SAMMSON: variants seen among roughly 807,000 people sequenced by gnomAD.
SAMMSON encodes survival associated mitochondrial melanoma specific oncogenic non-coding RNA.
chr3:70,364,407 C>T (rs1223931019), intron 9 of SAMMSON, among the ~76,000 whole-genome samples: 3 of 151,930 alleles, frequency 2.0e-5, no homozygotes, highest in Non-Finnish European at 4.4e-5. Flanking sequence ...GTAGATGCTG[C>T]TCAACAAAGC....
At chr3:70,119,044 G>A (rs2067422512) in intron 4 of SAMMSON, among the ~76,000 whole-genome samples, 1 of 152,024 alleles carries the variant, frequency 6.6e-6, no homozygotes, top group Non-Finnish European at 1.5e-5. Flanking sequence ...TTGGGGTTTT[G>A]TAAGAAAACT....
chr3:70,062,846 C>CGT (rs1182867086), intron 3 of SAMMSON, among the ~76,000 whole-genome samples: 1 of 152,096 alleles, frequency 6.6e-6, no homozygotes, highest in Non-Finnish European at 1.5e-5. Context: ...TACCTGCAGC[C>CGT]GTGAGCTCAG....
intron 7 of SAMMSON, among the ~76,000 whole-genome samples, chr3:70,323,087 C>T (rs1702549743): frequency 6.6e-6 from 1 of 152,022 alleles, no homozygotes; most frequent in African/African-American, 2.4e-5. Flanking sequence ...TTGAAAATGG[C>T]ATCTCTTTAC....
At chr3:70,364,782 T>A (rs1187085558) in intron 9 of SAMMSON, among the ~76,000 whole-genome samples, 1 of 151,840 alleles carries the variant, frequency 6.6e-6, no homozygotes, top group Non-Finnish European at 1.5e-5. Flanking sequence ...CTACACCTTT[T>A]ATGTTTTTAA....
chr3:70,074,137 A>C (rs2067240039), intron 4 of SAMMSON, among the ~76,000 whole-genome samples: 1 of 152,080 alleles, frequency 6.6e-6, no homozygotes, highest in East Asian at 1.9e-4. Context: ...TTCTCCAAAA[A>C]CAATGACTAG....
rs74568926 is a variant in SAMMSON, at chr3:70,103,557, T to C, written n.507+31992T>C. On this transcript the variant is annotated intron_variant and non_coding_transcript_variant, in intron 4 of 9. Coordinates refer to ENST00000642114, the Ensembl canonical transcript of SAMMSON. ...TCAAAAAGTCTGTCACCCTAAAAGA[T>C]TGTGAATCTCTTCGGTTACATCCTT... 4.9e-3 allele frequency among the ~76,000 whole-genome samples: 753 copies of C among 152,300 alleles called. 9 individuals carry two copies. Among genetic ancestry groups the C allele is most frequent in the African/African-American group, 0.017 (710 of 41,578 alleles).
At chr3:70,264,055 C>T (rs1157263248) in intron 6 of SAMMSON, among the ~76,000 whole-genome samples, 1 of 152,222 alleles carries the variant, frequency 6.6e-6, no homozygotes, top group East Asian at 1.9e-4. Context: ...ATTCTGTAAT[C>T]ATCTTGTGTC....
At chr3:70,397,587 G>A (rs1296638010) in intron 2 of SAMMSON, among the ~76,000 whole-genome samples, 1 of 152,272 alleles carries the variant, frequency 6.6e-6, no homozygotes, top group Middle Eastern at 3.4e-3. Flanking sequence ...AACAATATGT[G>A]TGTGTGATTT....
chr3:70,130,544 A>G (rs1576129947), intron 4 of SAMMSON, among the ~76,000 whole-genome samples: 1 of 152,072 alleles, frequency 6.6e-6, no homozygotes, highest in African/African-American at 2.4e-5. Flanking sequence ...GTCCTGAGCT[A>G]TAGAATGCAA....
intron 6 of SAMMSON, among the ~76,000 whole-genome samples, chr3:70,281,360 T>G (rs1163084236): frequency 6.6e-6 from 1 of 152,172 alleles, no homozygotes; most frequent in Non-Finnish European, 1.5e-5. Flanking sequence ...ATTATTTGAC[T>G]CTCCTCTGTC....
intron 2 of SAMMSON, among the ~76,000 whole-genome samples, chr3:70,407,251 G>T (rs912225675): frequency 6.6e-6 from 1 of 152,064 alleles, no homozygotes; most frequent in African/African-American, 2.4e-5. Context: ...TCTACCCCTT[G>T]TCCCTCCAAA....
intron 6 of SAMMSON, among the ~76,000 whole-genome samples, chr3:70,256,133 A>G (rs200961451): frequency 6.6e-6 from 1 of 152,196 alleles, no homozygotes; most frequent in East Asian, 1.9e-4. Context: ...GATTTTATCT[A>G]TTGCTTTCCC....
chr3:70,017,194 C>T (rs1222382951), intron 3 of SAMMSON, among the ~76,000 whole-genome samples: 2 of 152,140 alleles, frequency 1.3e-5, no homozygotes, highest in East Asian at 1.9e-4. Context: ...GCCACTTTCA[C>T]GATATTGATT....
rs1486968394 is a variant in SAMMSON at position 70,366,032 on chromosome 3, G to A, written n.913+7708G>A. ...GGAGTCTCGCTCTGTCGCCCAGGTC[G>A]GACTGCGGACTGCAGTGGCGCAATC... On this transcript the variant is annotated intron_variant and non_coding_transcript_variant, in intron 9 of 9. Transcript: ENST00000642114. 1.0e-4 allele frequency among the ~76,000 whole-genome samples: 2 copies of A among 19,678 alleles called. 1 individual carries two copies. Among genetic ancestry groups the A allele is most frequent in the Non-Finnish European group, 2.2e-4 (2 of 9,128 alleles). 12.9% of individuals were successfully genotyped at this position (19,678 alleles called of 152,430 possible). A position where few individuals can be genotyped will look rare whatever the true frequency, so the allele number is the denominator to read the frequency against.
At chr3:70,381,919 C>T (rs1309280962) in intron 9 of SAMMSON, among the ~76,000 whole-genome samples, 1 of 152,074 alleles carries the variant, frequency 6.6e-6, no homozygotes. Context: ...TTTCAATGGT[C>T]ATTTGGGGAA....
chr3:70,220,394 G>A (rs1277291788), intron 4 of SAMMSON, among the ~76,000 whole-genome samples: 1 of 151,764 alleles, frequency 6.6e-6, no homozygotes, highest in Non-Finnish European at 1.5e-5. Context: ...AGCTATGATG[G>A]CACCACTCCA....
At chr3:70,207,851 A>C (rs1701306652) in intron 4 of SAMMSON, among the ~76,000 whole-genome samples, 1 of 152,012 alleles carries the variant, frequency 6.6e-6, no homozygotes, top group Non-Finnish European at 1.5e-5. Context: ...GAGTCCTGGA[A>C]CCAGTTCCCC....
chr3:70,338,148 A>G (rs1702681155), intron 7 of SAMMSON, among the ~76,000 whole-genome samples: 1 of 152,028 alleles, frequency 6.6e-6, no homozygotes, highest in Non-Finnish European at 1.5e-5. Flanking sequence ...AGCCTGTGCT[A>G]GAATCCTAGT....
At chr3:70,179,381 A>C (rs1233661979) in intron 4 of SAMMSON, among the ~76,000 whole-genome samples, 1 of 152,192 alleles carries the variant, frequency 6.6e-6, no homozygotes, top group East Asian at 1.9e-4. Flanking sequence ...GTGACTTTAC[A>C]CAGAATCCTA....
Sources: gnomAD v4.1 joint callset for allele counts (sites outside exome capture counted in the v4.1 genomes callset) on GRCh38, gnomAD v4.1.1 for gene constraint, MANE v1.5 for transcripts, NCBI Gene and HGNC (gene_info 2026-07-23, HGNC 2026-07-21) for gene names.